The following AKAP8 variants were observed in gnomAD, a reference collection of about 807,000 sequenced individuals.
AKAP8 encodes A-kinase anchor protein 8.
In AKAP8, 24 loss-of-function variants were observed where a neutral mutation model predicts 67.5. The ratio of observed to expected loss-of-function variants is 0.36; its 90% CI spans 0.26 to 0.50. The LOEUF is 0.50. Among genes scored for constraint, AKAP8 ranks in the 20% least tolerant of loss-of-function variants. The pLI, the probability that AKAP8 is intolerant of heterozygous loss-of-function variation, is 0.97. For missense variants in AKAP8, 971 were observed against 955.9 expected (o/e 1.02, Z -0.21); for synonymous variants, 400 against 371.1 (o/e 1.08, Z -0.90).
chr19:15,377,090 G>T (rs1485560903), intron 1 of AKAP8, 76 bp from the exon 2 acceptor site: 1 of 1,519,410 alleles, frequency 6.6e-7, no homozygotes, highest in African/African-American at 1.4e-5. Flanking sequence ...ACTCCTAAAG[G>T]GATCTCCTTA....
chr19:15,367,591 G>C (rs75956286), intron 9 of AKAP8, among the ~76,000 whole-genome samples: 2,614 of 152,338 alleles, frequency 0.017, 30 homozygotes, highest in Non-Finnish European at 0.03. Flanking sequence ...GGATTCCCCA[G>C]CATCACATGA....
Position 15,368,307 on chromosome 19 carries a change from T to G in AKAP8, c.1088A>C (p.Glu363Ala). The change falls in exon 9 of 14, where the codon GAG becomes GCG. Residue 363 changes from glutamate to alanine, a missense_variant. Physicochemically the swap from Glu to Ala is moderately radical, Grantham distance 107. Around this residue, in one of 3 missense-constraint regions of AKAP8, gnomAD observed 763 missense variants for 745.4 expected, o/e 1.02. Coordinates refer to ENST00000269701, the MANE Select transcript of AKAP8 (RefSeq NM_005858.4). ...CCTTCTCTTCTTCACATCCTCGTCCTCGTCCTCCTTCTCTCCTGTAACAGA... is the reference window on the plus strand; with the variant it reads ...CCTTCTCTTCTTCACATCCTCGTCCGCGTCCTCCTTCTCTCCTGTAACAGA... ...SGRQRGEKED[E>A]DEDVKKRREK... 6.2e-7 allele frequency: 1 copy of G among 1,613,758 alleles called. No individual in the cohort carries two copies. Among genetic ancestry groups the G allele is most frequent in the Non-Finnish European group, 8.5e-7 (1 of 1,179,994 alleles).
In AKAP8 at chr19:15,373,212, C is replaced by A. The variant is rs148526102; in HGVS notation, c.500G>T (p.Gly167Val). Residue 167 changes from glycine to valine, a missense_variant, in exon 5 of 14, where the codon GGG becomes GTG. Gly to Val is a moderately radical substitution (Grantham distance 109, BLOSUM62 -3). Around this residue, in one of 3 missense-constraint regions of AKAP8, gnomAD observed 763 missense variants for 745.4 expected, o/e 1.02. Coordinates refer to ENST00000269701, the MANE Select transcript of AKAP8 (RefSeq NM_005858.4). The stretch of plus-strand genomic sequence containing the variant: ...GTCTCGGCATTCACTGTACTGCCCC[C>A]CAAAGCTGCCATTGCGGTCGGACCC... ...DLGSDRNGSF[G>V]GQYSECRDPA... The A allele has an allele frequency of 9.9e-6, 16 of 1,613,928 alleles. No individual in the cohort carries two copies. Among genetic ancestry groups the A allele is most frequent in the Non-Finnish European group, 1.2e-5 (14 of 1,180,022 alleles).
chr19:15,358,478 T>C (rs550967494), intron 13 of AKAP8, among the ~76,000 whole-genome samples: 4 of 152,036 alleles, frequency 2.6e-5, no homozygotes, highest in East Asian at 1.9e-4. Context: ...TCCCAAACTA[T>C]TGGCATTACA....
Position 15,371,978 on chromosome 19 carries a change from G to A in AKAP8, c.1012C>T (p.Arg338Cys), listed in dbSNP as rs1242715297. The change falls in exon 7 of 14, where the codon CGC (arginine) becomes TGC (cysteine). Residue 338 changes from arginine to cysteine, a missense_variant. Physicochemically the swap from Arg to Cys is radical, Grantham distance 180 (BLOSUM62 -3). Transcript: ENST00000269701. ...SENDDAAGDF[R>C]SGDEEFKGED... Reference sequence around the variant, plus strand: ...CCCTTGAATTCTTCATCTCCTGAGCGGAAGTCACCAGCTGCGTCATCTGCC... The same window carrying A: ...CCCTTGAATTCTTCATCTCCTGAGCAGAAGTCACCAGCTGCGTCATCTGCC... 16 of 1,614,026 alleles carry A rather than the reference G, an allele frequency of 9.9e-6. No homozygotes were observed. The highest frequency in any genetic ancestry group is 1.6e-4 in the Middle Eastern group (1 of 6,082).
Position 15,373,952 on chromosome 19 carries a change from C to T in AKAP8, c.205G>A (p.Ala69Thr). 2 of 1,613,712 alleles carry T rather than the reference C, an allele frequency of 1.2e-6. No individual in the cohort carries two copies. Among genetic ancestry groups the T allele is most frequent in the Non-Finnish European group, 1.7e-6 (2 of 1,179,820 alleles). The change falls in exon 4 of 14, where the codon GCG (alanine) becomes ACG (threonine). Residue 69 changes from alanine (A) to threonine (T), a missense_variant. Around this residue, in one of 3 missense-constraint regions of AKAP8, gnomAD observed 763 missense variants for 745.4 expected, o/e 1.02. Transcript: ENST00000269701. ...EAAKANDGGL[A>T]AGAPAMHMAS... ...ATGTGCATGGCAGGGGCCCCGGCCG[C>T]CAGGCCGCCATCATTGGCCTTGGCG...
chr19:15,368,854 C>T (rs898862388), intron 8 of AKAP8: 1 of 985,138 alleles, frequency 1.0e-6, no homozygotes, highest in African/African-American at 1.7e-5. Flanking sequence ...CCTCTATCTT[C>T]CACTCACAAA....
chr19:15,359,786 C>A (rs1966935863), intron 12 of AKAP8, among the ~76,000 whole-genome samples: 2 of 152,102 alleles, frequency 1.3e-5, no homozygotes, highest in African/African-American at 4.8e-5. Flanking sequence ...GTTTTAGAGC[C>A]TGACTTGTTT....
chr19:15,369,250 TGCTTTA>T lies in AKAP8; in HGVS notation c.1072+890_1072+895del. ...CTGCGCGCAACAGACATGTCACCTT[TGCTTTA>T]GCATTGTGCCGCTAAGCGCTCGGGG... On this transcript the variant is annotated intron_variant, in intron 8 of 13. Transcript: ENST00000269701. This position sits in a 1 kb window ranked among gnomAD's most constrained non-coding sequence, Gnocchi z 4.6. The T allele has an allele frequency of 1.0e-6, 1 of 985,514 alleles. No homozygotes were observed. The highest frequency in any genetic ancestry group is 4.7e-5 in the South Asian group (1 of 21,292). 61.0% of individuals were successfully genotyped at this position (985,514 alleles called of 1,614,324 possible). A position where few individuals can be genotyped will look rare whatever the true frequency, so the allele number is the denominator to read the frequency against.
Position 15,355,036 on chromosome 19 carries a change from G to A in AKAP8, c.1958C>T (p.Ala653Val). The A allele has an allele frequency of 6.2e-7, 1 of 1,614,128 alleles. No homozygotes were observed. Among genetic ancestry groups the A allele is most frequent in the East Asian group, 2.2e-5 (1 of 44,892 alleles). The change falls in exon 14 of 14, where the codon GCC becomes GTC. Residue 653 changes from alanine to valine, a missense_variant. Coordinates refer to ENST00000269701, the MANE Select transcript of AKAP8 (RefSeq NM_005858.4). Reference sequence around the variant, plus strand: ...TTCTGCCTCTGCTGCCATTGTCTCGGCGCCATTTCCAGCCTCTGCAGCCTC... The same window carrying A: ...TTCTGCCTCTGCTGCCATTGTCTCGACGCCATTTCCAGCCTCTGCAGCCTC... ...RSEAAEAGNG[A>V]ETMAAEAESA...
chr19:15,379,360 G>A (rs1187911972), intron 1 of AKAP8: 3 of 296,132 alleles, frequency 1.0e-5, no homozygotes, highest in Admixed American at 1.1e-4. Context: ...AGAGGAAGCC[G>A]GGAGTGCAAA....
chr19:15,367,164 C>T (rs1967084491), intron 9 of AKAP8, among the ~76,000 whole-genome samples: 1 of 152,238 alleles, frequency 6.6e-6, no homozygotes, highest in African/African-American at 2.4e-5. Context: ...GCTCAGCCTT[C>T]CAAAGTGCTG....
chr19:15,364,107 G>T (rs1599561484), intron 9 of AKAP8, among the ~76,000 whole-genome samples: 1 of 6,824 alleles, frequency 1.5e-4, no homozygotes, highest in Non-Finnish European at 2.5e-4. Flanking sequence ...TTGGCAGTGG[G>T]CAAAAAAAAA....
At chr19:15,364,153 CTTTCCTTTTTTTTTTTTTTTT>C (rs1318555556) in intron 9 of AKAP8, among the ~76,000 whole-genome samples, 27 of 50,460 alleles carry the variant, frequency 5.4e-4, no homozygotes, top group Non-Finnish European at 1.0e-3. Context: ...AATTTTTTTT[CTTTCCTTTTTTTTTTTTTTTT>C]TTTGGAGATG....
intron 11 of AKAP8, 108 bp from the exon 12 acceptor site, chr19:15,361,086 G>A (rs765231716): frequency 7.1e-7 from 1 of 1,405,648 alleles, no homozygotes; most frequent in Non-Finnish European, 9.6e-7. Context: ...GAATCAGAAG[G>A]GCACAGCCTG....
chr19:15,370,110 A>G (rs369648439), intron 8 of AKAP8, 36 bp downstream of exon 8: 2 of 1,613,348 alleles, frequency 1.2e-6, no homozygotes, highest in Admixed American at 1.7e-5. Flanking sequence ...AGCTGGGAAG[A>G]CACAGGAAAG....
At chr19:15,378,147 G>A (rs995955658) in intron 1 of AKAP8, among the ~76,000 whole-genome samples, 1 of 152,220 alleles carries the variant, frequency 6.6e-6, no homozygotes, top group Non-Finnish European at 1.5e-5. Context: ...AAGGGAGCTA[G>A]GCTCATGGGT....
At chr19:15,367,815 A>C (rs1179342613) in intron 9 of AKAP8, among the ~76,000 whole-genome samples, 4 of 152,254 alleles carry the variant, frequency 2.6e-5, no homozygotes, top group Non-Finnish European at 2.9e-5. Context: ...AGGTGAACAC[A>C]GGACAGTGTC....
At chr19:15,376,702 C>T (rs576392680) in intron 2 of AKAP8, among the ~76,000 whole-genome samples, 12 of 152,314 alleles carry the variant, frequency 7.9e-5, no homozygotes, top group African/African-American at 2.9e-4. Flanking sequence ...ATAGAGTATT[C>T]ACTAACACGC....
Sources: allele counts gnomAD v4.1 joint callset (sites outside exome capture counted in the v4.1 genomes callset), GRCh38; gene constraint gnomAD v4.1.1; regional missense constraint gnomAD v4.1.1; non-coding constraint Gnocchi (gnomAD v3.1); transcripts MANE v1.5; gene names NCBI Gene and HGNC (gene_info 2026-07-23, HGNC 2026-07-21).